MISP: variants seen among roughly 807,000 people sequenced by gnomAD.
MISP encodes the protein mitotic interactor and substrate of PLK1.
MISP carries 51 observed loss-of-function variants against 49.3 expected under a neutral mutation model. The ratio of observed to expected loss-of-function variants is 1.03; its 90% CI spans 0.83 to 1.31. MISP has a LOEUF of 1.31. Ranked by LOEUF, MISP falls within the 50% of genes most tolerant of loss-of-function variation. The pLI, the probability that MISP is intolerant of heterozygous loss-of-function variation, is 0.00. For synonymous variants in MISP, 444 were observed against 392.6 expected (o/e 1.13, Z -1.55); for missense variants, 1,084 against 935.1 (o/e 1.16, Z -2.08).
rs891829278 is a variant in MISP at position 761,860 on chromosome 19, A to T, written c.1950+197A>T. 7.2e-5 allele frequency among the ~76,000 whole-genome samples: 11 copies of T among 152,022 alleles called. No individual in the cohort carries two copies. Among genetic ancestry groups the T allele is most frequent in the Non-Finnish European group, 1.6e-4 (11 of 67,992 alleles). On this transcript the variant is annotated intron_variant, in intron 4 of 4. Coordinates refer to ENST00000215582, the MANE Select transcript of MISP (RefSeq NM_173481.4). ...TGCCATGGGCATGGATTAGGAGAAG[A>T]GGGTTCACATGCCACCTCTCCACCA...
chr19:763,938 G>A lies in MISP; in HGVS notation c.*348G>A. 1.2e-5 allele frequency: 3 copies of A among 257,956 alleles called. No homozygotes were observed. Among genetic ancestry groups the A allele is most frequent in the Non-Finnish European group, 1.5e-5 (2 of 131,088 alleles). 16.0% of individuals were successfully genotyped at this position (257,956 alleles called of 1,614,324 possible). ...AGGTGTAATTTGCTTCCGCTAGTCT[G>A]AGGGCAGAGGGACCGGTCAAAGAGG... On this transcript the variant is annotated 3_prime_UTR_variant, in exon 5 of 5. Coordinates refer to ENST00000215582, the MANE Select transcript of MISP (RefSeq NM_173481.4).
intron 1 of MISP, among the ~76,000 whole-genome samples, chr19:752,224 G>T (rs892406398): frequency 4.6e-5 from 7 of 152,178 alleles, no homozygotes; most frequent in African/African-American, 1.7e-4. Context: ...CTTAGCCACC[G>T]CCGGGCCTTG....
At chr19:763,406 C>T (rs1248719611) in intron 4 of MISP, 95 bp from the exon 5 acceptor site, 9 of 821,242 alleles carry the variant, frequency 1.1e-5, no homozygotes, top group African/African-American at 1.7e-5. Context: ...ACTTTACCCC[C>T]GTTCTAGGCC....
At chr19:754,837 G>A (rs1204240343) in intron 1 of MISP, among the ~76,000 whole-genome samples, 1 of 145,840 alleles carries the variant, frequency 6.9e-6, no homozygotes, top group African/African-American at 2.7e-5. Flanking sequence ...GGTTTGGGGT[G>A]GAGGAAGAGG....
At position 763,714 on chromosome 19, in the gene MISP, C is replaced by G; in HGVS notation, c.*124C>G. 1 of 673,608 alleles carries G rather than the reference C, an allele frequency of 1.5e-6. No homozygotes were observed. The highest frequency in any genetic ancestry group is 2.6e-6 in the Non-Finnish European group (1 of 381,784). 41.7% of individuals were successfully genotyped at this position (673,608 alleles called of 1,614,324 possible). On this transcript the variant is annotated 3_prime_UTR_variant, in exon 5 of 5. Coordinates refer to ENST00000215582, the MANE Select transcript of MISP (RefSeq NM_173481.4). ...CCAGGATCCAAGAACCACAGCTCAT[C>G]TGCCAACAATCCCACCATGGGCACA...
chr19:763,028 G>A (rs577038247), intron 4 of MISP, among the ~76,000 whole-genome samples: 147 of 152,230 alleles, frequency 9.7e-4, no homozygotes, highest in African/African-American at 3.1e-3. Context: ...GGTGGCTCAC[G>A]CCTGTAATCT....
At chr19:759,086 G>C (rs1379268279) in intron 2 of MISP, among the ~76,000 whole-genome samples, 50 of 149,300 alleles carry the variant, frequency 3.3e-4, no homozygotes, top group Non-Finnish European at 6.6e-4. Flanking sequence ...TGCAGTGGCA[G>C]GATCTCAACT....
Position 761,648 on chromosome 19 carries a change from C to T in MISP, c.1935C>T (p.Asp645=), listed in dbSNP as rs199913168. 1.4e-4 allele frequency: 224 copies of T among 1,614,112 alleles called. 1 individual carries two copies. The highest frequency in any genetic ancestry group is 1.1e-3 in the South Asian group (103 of 91,078). The change falls in exon 4 of 5, where the codon GAC becomes GAT. Residue 645 remains aspartate (D), a synonymous_variant. Transcript: ENST00000215582. The part of the protein sequence containing the change: ...EQWYAGINPS[D]GINSEVLEAI... ...AGTACGCTGGCATCAACCCCTCGGA[C>T]GGTATCAACTCAGAGGTGAGTATGC...
rs752469421 is a variant in MISP at position 757,556 on chromosome 19, G to C, written c.610G>C (p.Glu204Gln). Residue 204 changes from glutamate to glutamine, a missense_variant, in exon 2 of 5, where the codon GAG (glutamate) becomes CAG (glutamine). Transcript: ENST00000215582. ...LAARQQFLSL[E>Q]QANKGAPHSS... ...AGCGAGACAGCAGTTCCTGAGTCTG[G>C]AGCAGGCGAACAAGGGGGCCCCTCA... The C allele has an allele frequency of 5.0e-6, 8 of 1,612,678 alleles. No individual in the cohort carries two copies. The African/African-American group carries it at 5.3e-5, about 11-fold the overall frequency.
upstream of MISP, among the ~76,000 whole-genome samples, chr19:750,452 G>T (rs546047953): frequency 1.3e-5 from 2 of 152,098 alleles, no homozygotes; most frequent in South Asian, 4.2e-4. Context: ...CGCCCGCCTC[G>T]GCCTCCCAAA....
intron 1 of MISP, among the ~76,000 whole-genome samples, chr19:754,575 T>C (rs2033515884): frequency 6.6e-6 from 1 of 152,206 alleles, no homozygotes; most frequent in African/African-American, 2.4e-5. Context: ...TGCAGTGAGC[T>C]GAGATCACGC....
chr19:760,349 C>A, intron 3 of MISP: 1 of 218,800 alleles, frequency 4.6e-6, no homozygotes. Context: ...TTGTCATCGT[C>A]ACCAGCATTA....
In MISP at chr19:759,882, T is replaced by C. The variant is rs759399873; in HGVS notation, c.1781-27T>C. 1.7e-5 allele frequency: 27 copies of C among 1,613,352 alleles called. No individual in the cohort carries two copies. The Middle Eastern group carries it at 6.6e-4, about 39-fold the overall frequency. On this transcript the variant is annotated intron_variant, in intron 2 of 4. Coordinates refer to ENST00000215582, the MANE Select transcript of MISP (RefSeq NM_173481.4). ...AGCAGAGGTCTGACAAATGTTCTAA[T>C]GTTCTGCCCTCCCTGCTCCCCTACA...
intron 3 of MISP, chr19:760,350 A>G (rs1599187544): frequency 4.6e-6 from 1 of 215,526 alleles, no homozygotes; most frequent in African/African-American, 2.4e-5. Context: ...TGTCATCGTC[A>G]CCAGCATTAG....
chr19:758,435 G>A lies in MISP; in HGVS notation c.1489G>A (p.Gly497Ser). 6.2e-7 allele frequency: 1 copy of A among 1,614,196 alleles called. No homozygotes were observed. Among genetic ancestry groups the A allele is most frequent in the Non-Finnish European group, 8.5e-7 (1 of 1,180,036 alleles). Residue 497 changes from glycine to serine, a missense_variant, in exon 2 of 5, where the codon GGT (glycine) becomes AGT (serine). Coordinates refer to ENST00000215582, the MANE Select transcript of MISP (RefSeq NM_173481.4). ...TCGGGGATGCCCGCAAGCCAACAGG[G>A]GTGTCGTGCGGTGGGAGTACTTCCG... ...PPRGCPQANR[G>S]VVRWEYFRLR...
rs1455391787 is a variant in MISP at position 757,924 on chromosome 19, C to A, written c.978C>A (p.Pro326=). ...ACCACCAGGAGCTGGTGGAAATCCC[C>A]ACCAGGCCGCTGCTGACCAAGCTGA... The part of the protein sequence containing the change: ...ATDHQELVEI[P]TRPLLTKLSL... Residue 326 remains proline, a synonymous_variant, in exon 2 of 5, where the codon CCC becomes CCA. Transcript: ENST00000215582. 1.2e-6 allele frequency: 2 copies of A among 1,602,210 alleles called. No homozygotes were observed. Among genetic ancestry groups the A allele is most frequent in the Admixed American group, 3.3e-5 (2 of 59,842 alleles).
Position 757,752 on chromosome 19 carries a change from G to A in MISP, c.806G>A (p.Ser269Asn), listed in dbSNP as rs35384259. Residue 269 changes from serine (S) to asparagine (N), a missense_variant, in exon 2 of 5, where the codon AGT (serine) becomes AAT (asparagine). By Grantham distance (46) the Ser-to-Asn change is conservative (BLOSUM62 1). Transcript: ENST00000215582. ...NKVRAVPTWA[S>N]VQVVDDPGSL... ...GTGCGTGCTGTGCCCACCTGGGCCAGTGTCCAAGTTGTGGATGACCCTGGC... is the reference window on the plus strand; with the variant it reads ...GTGCGTGCTGTGCCCACCTGGGCCAATGTCCAAGTTGTGGATGACCCTGGC... 0.019 allele frequency: 31,127 copies of A among 1,613,768 alleles called. 1,391 individuals are homozygous for A. Among genetic ancestry groups the A allele is most frequent in the African/African-American group, 0.18 (13,628 of 75,032 alleles).
intron 2 of MISP, among the ~76,000 whole-genome samples, chr19:759,463 G>A (rs375702182): frequency 1.4e-4 from 21 of 145,968 alleles, no homozygotes; most frequent in East Asian, 8.1e-4. Context: ...GCAGTGGCGC[G>A]ATCTCGGCTC....
intron 4 of MISP, among the ~76,000 whole-genome samples, chr19:762,965 G>A (rs1165175264): frequency 6.6e-6 from 1 of 152,100 alleles, no homozygotes; most frequent in African/African-American, 2.4e-5. Context: ...AGCCACTATC[G>A]CCTGACCCCT....
Sources: allele counts gnomAD v4.1 joint callset (sites outside exome capture counted in the v4.1 genomes callset), GRCh38; gene constraint gnomAD v4.1.1; transcripts MANE v1.5; gene names NCBI Gene and HGNC (gene_info 2026-07-23, HGNC 2026-07-21).